FARS2: variants seen among roughly 807,000 people sequenced by gnomAD.
The protein encoded by FARS2 is phenylalanyl-tRNA synthetase 2, mitochondrial.
Under a neutral mutation model 46.4 loss-of-function variants are expected in FARS2, and 40 were observed. The observed-to-expected ratio is 0.86, with a 90% confidence interval of 0.67 to 1.12. FARS2 has a LOEUF of 1.12. Among genes scored for constraint, FARS2 ranks in the 50% most tolerant of loss-of-function variants. The pLI is 0.00. For synonymous variants in FARS2, 234 were observed against 214.9 expected, an observed-to-expected ratio of 1.09 and a Z score of -0.78; for missense variants, 513 against 567.9, an observed-to-expected ratio of 0.90 and a Z score of 0.98.
chr6:5,318,353 C>T (rs906663205), intron 1 of FARS2, among the ~76,000 whole-genome samples: 2 of 140,360 alleles, frequency 1.4e-5, no homozygotes, highest in African/African-American at 5.6e-5. Context: ...AGTGAGACTC[C>T]GTCTCAAGAA....
At chr6:5,538,661 T>C (rs1373939798) in intron 4 of FARS2, among the ~76,000 whole-genome samples, 1 of 152,168 alleles carries the variant, frequency 6.6e-6, no homozygotes, top group East Asian at 1.9e-4. Context: ...AACTATATGA[T>C]AGAGTGGTCA....
intron 5 of FARS2, among the ~76,000 whole-genome samples, chr6:5,556,286 G>C (rs534287194): frequency 6.6e-6 from 1 of 152,092 alleles, no homozygotes. Context: ...TGTAGCTATG[G>C]AACAGTTTTT....
chr6:5,368,474 G>A (rs951804937), intron 1 of FARS2, 76 bp from the exon 2 acceptor site: 3 of 1,301,150 alleles, frequency 2.3e-6, no homozygotes, highest in East Asian at 4.7e-5. Flanking sequence ...GAGGGAGCTG[G>A]TGGGAGATGC....
At chr6:5,718,825 C>T (rs140614363) in intron 6 of FARS2, among the ~76,000 whole-genome samples, 20 of 152,140 alleles carry the variant, frequency 1.3e-4, no homozygotes, top group Non-Finnish European at 2.1e-4. Flanking sequence ...TTGATCCTGG[C>T]GTATTAAATT....
At chr6:5,354,554 C>T (rs1286347813) in intron 1 of FARS2, among the ~76,000 whole-genome samples, 7 of 149,368 alleles carry the variant, frequency 4.7e-5, no homozygotes, top group Admixed American at 6.7e-5. Flanking sequence ...CACTCTGTTG[C>T]CCAGGCTGGA....
chr6:5,345,358 AT>A (rs1757162295), intron 1 of FARS2, among the ~76,000 whole-genome samples: 2 of 152,166 alleles, frequency 1.3e-5, no homozygotes, highest in East Asian at 1.9e-4. Flanking sequence ...GCTATTTTTG[AT>A]TTTGAAAAAT....
At chr6:5,718,183 G>A (rs545818906) in intron 6 of FARS2, among the ~76,000 whole-genome samples, 53 of 152,192 alleles carry the variant, frequency 3.5e-4, no homozygotes, top group African/African-American at 1.1e-3. Flanking sequence ...CAAAGTGCTG[G>A]GATTACAGGT....
chr6:5,330,355 G>A (rs1224485313), intron 1 of FARS2, among the ~76,000 whole-genome samples: 2 of 151,916 alleles, frequency 1.3e-5, no homozygotes, highest in African/African-American at 2.4e-5. Context: ...GACCTACTTC[G>A]CCATGTAGGT....
intron 2 of FARS2, among the ~76,000 whole-genome samples, chr6:5,387,359 G>A (rs1760203019): frequency 6.6e-6 from 1 of 152,180 alleles, no homozygotes; most frequent in African/African-American, 2.4e-5. Flanking sequence ...TAGGAATGAA[G>A]GATTGAAGCA....
At chr6:5,406,534 A>G (rs931758531) in intron 3 of FARS2, among the ~76,000 whole-genome samples, 1 of 152,170 alleles carries the variant, frequency 6.6e-6, no homozygotes, top group Non-Finnish European at 1.5e-5. Context: ...ATCTTAGAAT[A>G]TGTGCTCTTT....
At chr6:5,442,296 T>C (rs1763885692) in intron 4 of FARS2, among the ~76,000 whole-genome samples, 1 of 152,254 alleles carries the variant, frequency 6.6e-6, no homozygotes, top group East Asian at 1.9e-4. Flanking sequence ...TTATATCGGT[T>C]ACTAATCATT....
intron 4 of FARS2, among the ~76,000 whole-genome samples, chr6:5,484,508 C>T (rs570041902): frequency 3.0e-4 from 45 of 152,244 alleles, no homozygotes; most frequent in African/African-American, 9.4e-4. Flanking sequence ...TGAGGAACTG[C>T]GTTTTAAGAT....
At chr6:5,380,136 T>G (rs1224137700) in intron 2 of FARS2, among the ~76,000 whole-genome samples, 3 of 152,230 alleles carry the variant, frequency 2.0e-5, no homozygotes, top group Non-Finnish European at 4.4e-5. Flanking sequence ...AGCTCTCTAG[T>G]TATTCGATCT....
At chr6:5,355,962 G>A in intron 1 of FARS2, among the ~76,000 whole-genome samples, 1 of 152,062 alleles carries the variant, frequency 6.6e-6, no homozygotes, top group Non-Finnish European at 1.5e-5. Context: ...GCTTTCATGG[G>A]CATTTACAGA....
chr6:5,504,077 A>C (rs1394288283), intron 4 of FARS2, among the ~76,000 whole-genome samples: 2 of 152,208 alleles, frequency 1.3e-5, no homozygotes, highest in Non-Finnish European at 2.9e-5. Context: ...ATTTCCTCAC[A>C]AAAGCAGAGT....
Position 5,762,261 on chromosome 6 carries a change from A to G in FARS2, c.1218-9030A>G, listed in dbSNP as rs189063533. 3.4e-4 allele frequency among the ~76,000 whole-genome samples: 52 copies of G among 152,292 alleles called. No homozygotes were observed. The East Asian group carries it at 5.6e-3, about 16-fold the overall frequency. ...TTTACCTATACATTTTTTTCATTCAATTCCTTCAAAAACTCTTGTTAGTTC... is the reference window on the plus strand; with the variant it reads ...TTTACCTATACATTTTTTTCATTCAGTTCCTTCAAAAACTCTTGTTAGTTC... On this transcript the variant is annotated intron_variant, in intron 6 of 6. Transcript: ENST00000274680.
At chr6:5,409,227 G>C (rs1275386878) in intron 3 of FARS2, among the ~76,000 whole-genome samples, 1 of 152,136 alleles carries the variant, frequency 6.6e-6, no homozygotes, top group African/African-American at 2.4e-5. Context: ...GAGTTGGGTA[G>C]ATCATGAGGT....
intron 1 of FARS2, among the ~76,000 whole-genome samples, chr6:5,310,301 T>C (rs1768996288): frequency 6.6e-6 from 1 of 152,050 alleles, no homozygotes; most frequent in Admixed American, 6.6e-5. Context: ...ATGAGTAGAT[T>C]TATTAATAAT....
chr6:5,256,243 A>T (rs981317135), upstream of FARS2, among the ~76,000 whole-genome samples: 20 of 151,988 alleles, frequency 1.3e-4, no homozygotes, highest in African/African-American at 4.1e-4. Context: ...TAATCCCAGC[A>T]CTTTGGGAGG....
Sources: gnomAD v4.1 joint callset for allele counts (sites outside exome capture counted in the v4.1 genomes callset) on GRCh38, gnomAD v4.1.1 for gene constraint, MANE v1.5 for transcripts, NCBI Gene and HGNC (gene_info 2026-07-23, HGNC 2026-07-21) for gene names.